Variants in ELMO1 observed in about 807,000 individuals in gnomAD.
ELMO1 encodes the protein engulfment and cell motility protein 1.
ELMO1 carries 26 observed loss-of-function variants against 98.9 expected under a neutral mutation model. The ratio of observed to expected loss-of-function variants is 0.26; its 90% CI spans 0.19 to 0.36. The LOEUF (loss-of-function observed/expected upper bound fraction) is 0.36, where lower values mean the gene tolerates loss of function less well. Ranked by LOEUF, ELMO1 falls within the 10% of genes least tolerant of loss-of-function variation. ELMO1 has a pLI of 1.00. For synonymous variants in ELMO1, 346 were observed against 346.0 expected, an observed-to-expected ratio of 1.00 and a Z score of 0.00; for missense variants, 627 against 935.2, an observed-to-expected ratio of 0.67 and a Z score of 4.30.
intron 16 of ELMO1, among the ~76,000 whole-genome samples, chr7:36,921,921 G>A (rs1016888092): frequency 2.0e-5 from 3 of 152,186 alleles, no homozygotes; most frequent in Non-Finnish European, 4.4e-5. Flanking sequence ...GCGTATGCCT[G>A]TGTGGCATTG....
chr7:37,267,029 ATGT>A (rs1231580145), intron 5 of ELMO1, among the ~76,000 whole-genome samples: 38,236 of 94,906 alleles, frequency 0.4, 9,599 homozygotes, highest in Middle Eastern at 0.53. Flanking sequence ...AAAAAAAAAT[ATGT>A]ATATATACAC....
In ELMO1 at chr7:37,050,660, A is replaced by AC. The variant is rs1562922926; in HGVS notation, c.1301-37226_1301-37225insG. 1.2e-3 allele frequency among the ~76,000 whole-genome samples: 166 copies of AC among 140,552 alleles called. 1 individual carries two copies. Among genetic ancestry groups the AC allele is most frequent in the African/African-American group, 4.0e-3 (152 of 38,170 alleles). 92.2% of individuals were successfully genotyped at this position (140,552 alleles called of 152,430 possible). ...CACACACACACACACACACACACACAAAAGGTAACTATGTGAAATAAGCCA... is the reference window on the plus strand; with the variant it reads ...CACACACACACACACACACACACACACAAAGGTAACTATGTGAAATAAGCCA... On this transcript the variant is annotated intron_variant, in intron 15 of 21. Transcript: ENST00000310758.
chr7:37,292,635 A>C (rs1305680925), intron 4 of ELMO1, among the ~76,000 whole-genome samples: 55 of 79,700 alleles, frequency 6.9e-4, no homozygotes, highest in Non-Finnish European at 8.0e-4. Context: ...CTCTGCCTGG[A>C]CGCCCCGTCT....
Position 37,352,549 on chromosome 7 carries a change from C to A in ELMO1, c.-73-9786G>T, listed in dbSNP as rs373034836. ...ACTTTTTTTTTAACGAAACATCTTG[C>A]GGCACACGTTTCTCATAGGACATAC... On this transcript the variant is annotated intron_variant, in intron 1 of 21. Coordinates refer to ENST00000310758, the MANE Select transcript of ELMO1 (RefSeq NM_014800.11). Among the ~76,000 whole-genome samples the A allele has an allele frequency of 2.1e-3, 315 of 152,264 alleles. 1 individual carries two copies. The highest frequency in any genetic ancestry group is 3.5e-3 in the Non-Finnish European group (240 of 68,010).
intron 1 of ELMO1, among the ~76,000 whole-genome samples, chr7:37,352,307 T>C (rs1015553415): frequency 4.6e-5 from 7 of 152,212 alleles, no homozygotes; most frequent in African/African-American, 1.7e-4. Context: ...GGTCTCATTA[T>C]GTTACCTGGT....
intron 1 of ELMO1, among the ~76,000 whole-genome samples, chr7:37,426,151 T>C (rs1804696994): frequency 7.3e-6 from 1 of 137,802 alleles, no homozygotes; most frequent in African/African-American, 2.7e-5. Context: ...TCTTTTTTTT[T>C]TTTTTTTTTT....
At chr7:37,233,052 A>C (rs1398130263) in intron 8 of ELMO1, 43 bp downstream of exon 8, 1 of 1,519,878 alleles carries the variant, frequency 6.6e-7, no homozygotes, top group Admixed American at 1.9e-5. Context: ...TAGCTATGAC[A>C]GAAGACAGTA....
chr7:36,976,531 C>T (rs1246570894), intron 16 of ELMO1, among the ~76,000 whole-genome samples: 1 of 152,166 alleles, frequency 6.6e-6, no homozygotes, highest in Admixed American at 6.5e-5. Context: ...AGAGAAGTAT[C>T]CCATTGGGAA....
chr7:36,992,279 A>G (rs1791928426), intron 16 of ELMO1, among the ~76,000 whole-genome samples: 1 of 152,228 alleles, frequency 6.6e-6, no homozygotes, highest in Admixed American at 6.5e-5. Context: ...TGGAGAGTCA[A>G]GGTCTGGAAG....
At chr7:37,184,918 T>A (rs1394675321) in intron 13 of ELMO1, among the ~76,000 whole-genome samples, 3 of 152,066 alleles carry the variant, frequency 2.0e-5, no homozygotes, top group Non-Finnish European at 2.9e-5. Context: ...AAAAAGTCCA[T>A]CACGAATTAC....
chr7:37,110,188 T>C (rs917142894), intron 14 of ELMO1, among the ~76,000 whole-genome samples: 9 of 152,214 alleles, frequency 5.9e-5, no homozygotes, highest in African/African-American at 2.2e-4. Context: ...AAGGCTACTT[T>C]TTTTCTTCAT....
chr7:37,376,645 A>G (rs1277515043), intron 1 of ELMO1, among the ~76,000 whole-genome samples: 1 of 152,130 alleles, frequency 6.6e-6, no homozygotes, highest in Non-Finnish European at 1.5e-5. Flanking sequence ...GAGTTCATCT[A>G]CAACCAATCA....
At chr7:37,306,512 G>A (rs1798620687) in intron 4 of ELMO1, among the ~76,000 whole-genome samples, 1 of 152,148 alleles carries the variant, frequency 6.6e-6, no homozygotes, top group Admixed American at 6.5e-5. Context: ...TCAAAATATG[G>A]TTTTTCATCT....
chr7:37,164,208 T>G (rs1353599585), intron 13 of ELMO1, among the ~76,000 whole-genome samples: 1 of 152,234 alleles, frequency 6.6e-6, no homozygotes, highest in African/African-American at 2.4e-5. Flanking sequence ...TGTAAATTTG[T>G]TTGAGTTCAT....
At chr7:36,949,477 G>A (rs541149018) in intron 16 of ELMO1, among the ~76,000 whole-genome samples, 3 of 151,966 alleles carry the variant, frequency 2.0e-5, no homozygotes, top group South Asian at 2.1e-4. Flanking sequence ...ACCCTCTCTC[G>A]GTGGCAGACA....
chr7:37,241,365 C>G (rs1451085874), intron 7 of ELMO1, among the ~76,000 whole-genome samples: 3 of 151,996 alleles, frequency 2.0e-5, no homozygotes, highest in Non-Finnish European at 4.4e-5. Context: ...GTTTTTCCAT[C>G]CTTTTATTTT....
chr7:37,015,475 G>A (rs187691073), intron 15 of ELMO1, among the ~76,000 whole-genome samples: 10 of 151,882 alleles, frequency 6.6e-5, no homozygotes, highest in African/African-American at 1.9e-4. Context: ...GTGGCATGCC[G>A]CTGTAGTCCC....
chr7:37,375,738 C>T, intron 1 of ELMO1: 1 of 1,209,630 alleles, frequency 8.3e-7, no homozygotes, highest in Non-Finnish European at 1.2e-6. Flanking sequence ...GGTACCTTAC[C>T]AATGAGGGTA....
chr7:37,249,672 A>C (rs1248207124), intron 6 of ELMO1, among the ~76,000 whole-genome samples: 1 of 152,254 alleles, frequency 6.6e-6, no homozygotes, highest in African/African-American at 2.4e-5. Flanking sequence ...CTATTGGGCT[A>C]TTCTTATTTT....
Sources: allele counts gnomAD v4.1 joint callset (sites outside exome capture counted in the v4.1 genomes callset), GRCh38; gene constraint gnomAD v4.1.1; transcripts MANE v1.5; gene names NCBI Gene and HGNC (gene_info 2026-07-23, HGNC 2026-07-21).